GRIN2B: variants seen among roughly 807,000 people sequenced by gnomAD.
GRIN2B encodes the protein glutamate ionotropic receptor NMDA type subunit 2B.
Under a neutral mutation model 114.5 loss-of-function variants are expected in GRIN2B, and 5 were observed. That is an observed-to-expected ratio of 0.04 (90% confidence interval 0.02 to 0.09). The LOEUF (loss-of-function observed/expected upper bound fraction) is 0.09, where lower values mean the gene tolerates loss of function less well. Among genes scored for constraint, GRIN2B ranks in the 10% least tolerant of loss-of-function variants. The probability of loss-of-function intolerance (pLI) is 1.00; values close to 1 mark genes in which losing one functional copy is unlikely to be tolerated. For synonymous variants in GRIN2B, 787 were observed against 745.1 expected (o/e 1.06, Z -0.92); for missense variants, 1,108 against 1,943.5 (o/e 0.57, Z 8.08).
chr12:13,863,387 T>C (rs963812453), intron 3 of GRIN2B, among the ~76,000 whole-genome samples: 1 of 152,206 alleles, frequency 6.6e-6, no homozygotes, highest in African/African-American at 2.4e-5. Context: ...TGAAGGGTAG[T>C]AAGATATATG....
chr12:13,674,106 T>G (rs905309594), intron 5 of GRIN2B, among the ~76,000 whole-genome samples: 3 of 152,060 alleles, frequency 2.0e-5, no homozygotes, highest in Admixed American at 6.6e-5. Flanking sequence ...ACACCTGTAA[T>G]TCCAGTGCTT....
At chr12:13,729,954 T>C (rs1035657749) in intron 4 of GRIN2B, among the ~76,000 whole-genome samples, 4 of 151,428 alleles carry the variant, frequency 2.6e-5, no homozygotes, top group African/African-American at 9.7e-5. Flanking sequence ...TGTCAGCACA[T>C]GTATCTTTGC....
At chr12:13,817,317 T>G (rs993745973) in intron 3 of GRIN2B, among the ~76,000 whole-genome samples, 20 of 146,878 alleles carry the variant, frequency 1.4e-4, no homozygotes, top group African/African-American at 4.6e-4. Context: ...CTAGCTGGGC[T>G]GGAGCAACGC....
At chr12:13,660,731 AAGCAC>A (rs1022336543) in intron 5 of GRIN2B, among the ~76,000 whole-genome samples, 1 of 152,176 alleles carries the variant, frequency 6.6e-6, no homozygotes, top group African/African-American at 2.4e-5. Flanking sequence ...AAAAGAGACT[AAGCAC>A]TTCCTTTGCA....
intron 10 of GRIN2B, among the ~76,000 whole-genome samples, chr12:13,606,238 T>C (rs1949246135): frequency 6.6e-6 from 1 of 152,220 alleles, no homozygotes; most frequent in Non-Finnish European, 1.5e-5. Flanking sequence ...AAGATTCAGT[T>C]GGCTCACAAT....
intron 3 of GRIN2B, among the ~76,000 whole-genome samples, chr12:13,816,766 G>A (rs1864830478): frequency 6.6e-6 from 1 of 152,184 alleles, no homozygotes; most frequent in Non-Finnish European, 1.5e-5. Flanking sequence ...TGTTATGTGT[G>A]TGTACATTAA....
At chr12:13,968,785 A>G (rs1444195282) in intron 2 of GRIN2B, among the ~76,000 whole-genome samples, 1 of 152,216 alleles carries the variant, frequency 6.6e-6, no homozygotes, top group Non-Finnish European at 1.5e-5. Context: ...CCTCTTTAAC[A>G]ATGATGACCC....
chr12:13,941,099 A>G (rs1867241356), intron 2 of GRIN2B, among the ~76,000 whole-genome samples: 1 of 151,808 alleles, frequency 6.6e-6, no homozygotes, highest in South Asian at 2.1e-4. Flanking sequence ...AGTAGGTAGG[A>G]GGTAGATAGG....
intron 5 of GRIN2B, among the ~76,000 whole-genome samples, chr12:13,672,485 C>A (rs560425970): frequency 2.0e-5 from 3 of 152,266 alleles, no homozygotes; most frequent in African/African-American, 7.2e-5. Flanking sequence ...AGGATGATGT[C>A]CTGGGGACGA....
intron 5 of GRIN2B, among the ~76,000 whole-genome samples, chr12:13,632,400 T>C (rs1223245545): frequency 2.6e-5 from 4 of 152,208 alleles, no homozygotes; most frequent in Non-Finnish European, 4.4e-5. Flanking sequence ...GAATAGATAA[T>C]ATGCAGCCAA....
chr12:13,637,494 T>C (rs1462634092), intron 5 of GRIN2B, among the ~76,000 whole-genome samples: 1 of 152,138 alleles, frequency 6.6e-6, no homozygotes, highest in East Asian at 1.9e-4. Flanking sequence ...TCTTCTTAAG[T>C]GAGATATTCC....
intron 8 of GRIN2B, among the ~76,000 whole-genome samples, chr12:13,614,121 G>A (rs2136478107): frequency 6.6e-6 from 1 of 151,550 alleles, no homozygotes; most frequent in South Asian, 2.1e-4. Flanking sequence ...AAATTGGCAA[G>A]GCTGGAATTT....
At chr12:13,847,581 T>C (rs1309822589) in intron 3 of GRIN2B, among the ~76,000 whole-genome samples, 7 of 151,458 alleles carry the variant, frequency 4.6e-5, no homozygotes. Flanking sequence ...CCACATAAGG[T>C]AGAAGCCGTG....
chr12:13,651,000 G>GA (rs1346271740), intron 5 of GRIN2B, among the ~76,000 whole-genome samples: 1 of 152,012 alleles, frequency 6.6e-6, no homozygotes, highest in East Asian at 1.9e-4. Flanking sequence ...TAACCTAAAG[G>GA]ACTTCATATG....
At chr12:13,975,461 A>G (rs937529221) in intron 2 of GRIN2B, among the ~76,000 whole-genome samples, 1 of 152,240 alleles carries the variant, frequency 6.6e-6, no homozygotes, top group Non-Finnish European at 1.5e-5. Context: ...ATACAACCTT[A>G]GGAAAATCAC....
chr12:13,957,202 A>G (rs219932), intron 2 of GRIN2B, among the ~76,000 whole-genome samples: 148,245 of 152,216 alleles, frequency 0.97, 72,312 homozygotes, highest in East Asian at 1. Flanking sequence ...GACTCGGCTC[A>G]GCTGCAACAA....
intron 3 of GRIN2B, among the ~76,000 whole-genome samples, chr12:13,860,578 G>A (rs1216821082): frequency 2.6e-5 from 4 of 152,166 alleles, no homozygotes; most frequent in Non-Finnish European, 2.9e-5. Flanking sequence ...GCCTGCCTCC[G>A]CCTCCAAAGT....
chr12:13,753,496 G>A lies in GRIN2B; in HGVS notation c.831C>T (p.Leu277=). The A allele has an allele frequency of 1.9e-6, 3 of 1,614,158 alleles. No individual in the cohort carries two copies. Among genetic ancestry groups the A allele is most frequent in the Middle Eastern group, 1.6e-4 (1 of 6,062 alleles). Residue 277 remains leucine, a synonymous_variant, in exon 4 of 14, where the codon CTC becomes CTT. Coordinates refer to ENST00000609686, the MANE Select transcript of GRIN2B (RefSeq NM_000834.5). This position sits in a 1 kb window ranked among gnomAD's most constrained non-coding sequence, Gnocchi z 6.2. ...DTVPAEFPTG[L]ISVSYDEWDY... ...CCCATTCATCATATGATACAGAGAT[G>A]AGCCCAGTGGGGAACTCCGCAGGCA...
At chr12:13,894,559 CTT>C (rs1375542915) in intron 2 of GRIN2B, among the ~76,000 whole-genome samples, 1 of 152,060 alleles carries the variant, frequency 6.6e-6, no homozygotes, top group Non-Finnish European at 1.5e-5. Flanking sequence ...CAGCAATTGT[CTT>C]TGTTAGAATT....
Sources: allele counts gnomAD v4.1 joint callset (sites outside exome capture counted in the v4.1 genomes callset), GRCh38; gene constraint gnomAD v4.1.1; non-coding constraint Gnocchi (gnomAD v3.1); transcripts MANE v1.5; gene names NCBI Gene and HGNC (gene_info 2026-07-23, HGNC 2026-07-21).